GRB2: variants seen among roughly 807,000 people sequenced by gnomAD.
GRB2 encodes growth factor receptor bound protein 2.
GRB2 carries 2 observed loss-of-function variants against 27.4 expected under a neutral mutation model. That is an observed-to-expected ratio of 0.07 (90% confidence interval 0.03 to 0.23). The LOEUF (loss-of-function observed/expected upper bound fraction) is 0.23. GRB2 is among the 10% of genes least tolerant of loss of function. GRB2 has a pLI of 1.00. For synonymous variants in GRB2, 94 were observed against 99.6 expected, an observed-to-expected ratio of 0.94 and a Z score of 0.33; for missense variants, 102 against 282.4, an observed-to-expected ratio of 0.36 and a Z score of 4.58.
intron 2 of GRB2, chr17:75,372,102 T>G (rs999917696): frequency 5.9e-5 from 9 of 152,144 alleles, no homozygotes; most frequent in African/African-American, 1.9e-4. Context: ...GTCTGCACAT[T>G]TAGCTCGAGA....
At chr17:75,359,660 C>T (rs1338709067) in intron 2 of GRB2, among the ~76,000 whole-genome samples, 1 of 152,068 alleles carries the variant, frequency 6.6e-6, no homozygotes, top group Non-Finnish European at 1.5e-5. Context: ...CCTTGAACTC[C>T]AAGTTTCAAC....
chr17:75,367,515 G>A (rs902350364), intron 2 of GRB2, among the ~76,000 whole-genome samples: 3 of 152,148 alleles, frequency 2.0e-5, no homozygotes, highest in Non-Finnish European at 2.9e-5. Context: ...GGTAGAAACT[G>A]CCTAGAGCAG....
At chr17:75,373,807 T>C (rs2078872322) in intron 2 of GRB2, 1 of 137,752 alleles carries the variant, frequency 7.3e-6, no homozygotes, top group African/African-American at 2.8e-5. Context: ...TATTTTTTTT[T>C]TTTTTTTTTT....
At chr17:75,403,075 CAAAAAAA>C (rs59384819) in intron 1 of GRB2, among the ~76,000 whole-genome samples, 1 of 43,174 alleles carries the variant, frequency 2.3e-5, no homozygotes, top group Non-Finnish European at 4.1e-5. Context: ...GAATCTGTCT[CAAAAAAA>C]AAAAAAAAGG....
rs1555610715 is a variant in GRB2, at chr17:75,354,264, T to TTGGGG, written c.79-21468_79-21467insCCCCA. On this transcript the variant is annotated intron_variant, in intron 2 of 5. Coordinates refer to ENST00000316804, the MANE Select transcript of GRB2 (RefSeq NM_002086.5). ...AAAGTTTATTCATGGTCTTTTTTTT[T>TTGGGG]GGGGGGGGGGGGGAGATGGAGTTTC... Among the ~76,000 whole-genome samples the TTGGGG allele has an allele frequency of 5.3e-3, 203 of 38,136 alleles. 24 individuals carry two copies. Among genetic ancestry groups the TTGGGG allele is most frequent in the South Asian group, 0.021 (21 of 998 alleles). 25.0% of individuals were successfully genotyped at this position (38,136 alleles called of 152,430 possible).
chr17:75,357,863 G>C (rs2078743735), intron 2 of GRB2, among the ~76,000 whole-genome samples: 1 of 152,158 alleles, frequency 6.6e-6, no homozygotes, highest in Non-Finnish European at 1.5e-5. Context: ...AGAGGTTGTA[G>C]AGAGCCAAGA....
At chr17:75,365,622 C>A (rs116214756) in intron 2 of GRB2, among the ~76,000 whole-genome samples, 1 of 150,422 alleles carries the variant, frequency 6.6e-6, no homozygotes, top group African/African-American at 2.5e-5. Flanking sequence ...TATACCAAAG[C>A]GAAAAAGTTC....
intron 2 of GRB2, among the ~76,000 whole-genome samples, chr17:75,355,437 T>C (rs553766714): frequency 6.6e-6 from 1 of 151,910 alleles, no homozygotes; most frequent in African/African-American, 2.4e-5. Flanking sequence ...CATCTTGTTA[T>C]AAAAGCTTTC....
intron 4 of GRB2, among the ~76,000 whole-genome samples, chr17:75,323,109 A>C (rs1206978952): frequency 7.3e-6 from 1 of 136,896 alleles, no homozygotes; most frequent in East Asian, 2.1e-4. Flanking sequence ...ACAGAGTGAC[A>C]CTCCATCTCA....
At chr17:75,392,042 G>A (rs912453620) in intron 2 of GRB2, among the ~76,000 whole-genome samples, 2 of 152,130 alleles carry the variant, frequency 1.3e-5, no homozygotes, top group Non-Finnish European at 2.9e-5. Flanking sequence ...GTGGGCATTT[G>A]AGTAGCCCAT....
chr17:75,338,445 A>G (rs1227276432), intron 2 of GRB2, among the ~76,000 whole-genome samples: 2 of 151,934 alleles, frequency 1.3e-5, no homozygotes, highest in Non-Finnish European at 2.9e-5. Context: ...TTGCTTATTC[A>G]CTCCCTCTGC....
At chr17:75,387,164 CA>C (rs938176143) in intron 2 of GRB2, among the ~76,000 whole-genome samples, 72 of 134,442 alleles carry the variant, frequency 5.4e-4, no homozygotes, top group Admixed American at 6.0e-4. Flanking sequence ...GACTCCATCT[CA>C]AAAAAAAAAA....
At chr17:75,331,660 C>T (rs1251370341) in intron 3 of GRB2, among the ~76,000 whole-genome samples, 26 of 152,158 alleles carry the variant, frequency 1.7e-4, no homozygotes, top group Admixed American at 1.6e-3. Flanking sequence ...AATCTGCCCA[C>T]AACCTAAGAC....
intron 2 of GRB2, among the ~76,000 whole-genome samples, chr17:75,378,188 G>A (rs542658147): frequency 1.9e-3 from 296 of 152,170 alleles, no homozygotes; most frequent in African/African-American, 6.9e-3. Flanking sequence ...TCAGGAGTTC[G>A]AGACCAGCCT....
intron 2 of GRB2, among the ~76,000 whole-genome samples, chr17:75,365,137 T>G (rs2078811026): frequency 6.6e-6 from 1 of 152,142 alleles, no homozygotes; most frequent in African/African-American, 2.4e-5. Flanking sequence ...AATGAGAATA[T>G]GTGAGCTCCA....
At chr17:75,345,089 G>T (rs930617455) in intron 2 of GRB2, among the ~76,000 whole-genome samples, 14 of 152,004 alleles carry the variant, frequency 9.2e-5, no homozygotes, top group African/African-American at 3.4e-4. Flanking sequence ...TGTCCCCCAG[G>T]CTGGAGTGCA....
rs1802419552 is a variant in GRB2, at chr17:75,393,692, A to G, written c.-64T>C. 2 of 1,322,942 alleles carry G rather than the reference A, an allele frequency of 1.5e-6. No individual in the cohort carries two copies. The highest frequency in any genetic ancestry group is 2.9e-5 in the African/African-American group (2 of 69,500). The allele number at this position is 1,322,942 out of a possible 1,614,324, so 82.0% of individuals were successfully genotyped here. The stretch of plus-strand genomic sequence containing the variant: ...GGAAGGGAGTCTTCCCTGCTGAAGC[A>G]ACCCAGCGCTCTGGGCTTAGCCTCG... On this transcript the variant is annotated 5_prime_UTR_variant, in exon 2 of 6. Coordinates refer to ENST00000316804, the MANE Select transcript of GRB2 (RefSeq NM_002086.5).
chr17:75,403,422 A>G (rs2079077055), intron 1 of GRB2, among the ~76,000 whole-genome samples: 1 of 152,150 alleles, frequency 6.6e-6, no homozygotes, highest in South Asian at 2.1e-4. Context: ...TTTAAAACCC[A>G]GCAAGCCTCT....
chr17:75,376,026 GA>G (rs58559493), intron 2 of GRB2, among the ~76,000 whole-genome samples: 72 of 65,384 alleles, frequency 1.1e-3, no homozygotes, highest in Admixed American at 4.2e-3. Flanking sequence ...CTCCGTCTCA[GA>G]AAAAAAAAAA....
Sources: allele counts gnomAD v4.1 joint callset (sites outside exome capture counted in the v4.1 genomes callset), GRCh38; gene constraint gnomAD v4.1.1; transcripts MANE v1.5; gene names NCBI Gene and HGNC (gene_info 2026-07-23, HGNC 2026-07-21).